Variants in ATE1 observed in about 807,000 individuals in gnomAD.
ATE1 encodes arginyl-tRNA--protein transferase 1.
ATE1 carries 36 observed loss-of-function variants against 70.5 expected under a neutral mutation model. The ratio of observed to expected loss-of-function variants is 0.51; its 90% confidence interval spans 0.39 to 0.67. The LOEUF is 0.67. Among genes scored for constraint, ATE1 ranks in the 30% least tolerant of loss-of-function variants. The pLI, the probability that ATE1 is intolerant of heterozygous loss-of-function variation, is 0.00. For synonymous variants in ATE1, 232 were observed against 219.3 expected (o/e 1.06, Z -0.51); for missense variants, 593 against 629.5 (o/e 0.94, Z 0.62).
chr10:121,784,596 G>A (rs1032462025), intron 11 of ATE1, among the ~76,000 whole-genome samples: 2 of 152,174 alleles, frequency 1.3e-5, no homozygotes, highest in Admixed American at 6.5e-5. Context: ...AGTGGCTCAC[G>A]CCTGTGATCC....
At chr10:121,811,163 T>TTGGC (rs1412183566) in intron 10 of ATE1, among the ~76,000 whole-genome samples, 2 of 152,236 alleles carry the variant, frequency 1.3e-5, no homozygotes, top group African/African-American at 4.8e-5. Context: ...TTCTCCATTC[T>TTGGC]TGGCAAATAC....
At chr10:121,904,019 A>G (rs71484689) in intron 5 of ATE1, among the ~76,000 whole-genome samples, 1 of 149,788 alleles carries the variant, frequency 6.7e-6, no homozygotes, top group Non-Finnish European at 1.5e-5. Flanking sequence ...TCGCTCTGTC[A>G]CCCAGGCTGG....
intron 5 of ATE1, among the ~76,000 whole-genome samples, chr10:121,906,494 A>T (rs1347909122): frequency 1.3e-5 from 2 of 151,686 alleles, no homozygotes; most frequent in East Asian, 3.9e-4. Context: ...GTGTCACTAC[A>T]CTCCAGCCTG....
intron 11 of ATE1, among the ~76,000 whole-genome samples, chr10:121,780,873 A>G (rs971117839): frequency 3.3e-5 from 5 of 152,238 alleles, no homozygotes; most frequent in African/African-American, 1.2e-4. Context: ...CCCACATGCT[A>G]CTTGTCACAC....
At chr10:121,852,217 A>C (rs946188567) in intron 8 of ATE1, among the ~76,000 whole-genome samples, 5 of 152,222 alleles carry the variant, frequency 3.3e-5, no homozygotes, top group African/African-American at 1.2e-4. Flanking sequence ...CTTCTCTTCC[A>C]AAGCAGCTGA....
chr10:121,761,392 A>T (rs1275104673), intron 11 of ATE1, among the ~76,000 whole-genome samples: 1 of 152,202 alleles, frequency 6.6e-6, no homozygotes, highest in Non-Finnish European at 1.5e-5. Context: ...AAACATTATG[A>T]TTTGCTGAAG....
In ATE1 at chr10:121,759,463, C is replaced by T. The variant is rs187221071; in HGVS notation, c.1379-15605G>A. Among the ~76,000 whole-genome samples, 1,400 of 152,280 alleles carry T rather than the reference C, an allele frequency of 9.2e-3. 11 individuals are homozygous for T. Among genetic ancestry groups the T allele is most frequent in the Non-Finnish European group, 0.015 (1,003 of 68,028 alleles). On this transcript the variant is annotated intron_variant, in intron 11 of 11. Transcript: ENST00000224652. The stretch of plus-strand genomic sequence containing the variant: ...AGCCGGCCGGGCATGGTGGCTGACG[C>T]CTGTAATCCCAGCACTTTGCGGGGC...
chr10:121,770,880 C>A (rs1945488711), intron 11 of ATE1, among the ~76,000 whole-genome samples: 1 of 151,720 alleles, frequency 6.6e-6, no homozygotes, highest in Admixed American at 6.6e-5. Flanking sequence ...AGCCTTAAAG[C>A]AAGAACAGCA....
intron 11 of ATE1, among the ~76,000 whole-genome samples, chr10:121,772,735 T>C (rs1945574254): frequency 1.3e-5 from 2 of 152,228 alleles, no homozygotes; most frequent in African/African-American, 2.4e-5. Flanking sequence ...TAGTAAATCA[T>C]AGCCAAAGTC....
chr10:121,810,429 C>T (rs1947272739), intron 10 of ATE1, among the ~76,000 whole-genome samples: 1 of 152,066 alleles, frequency 6.6e-6, no homozygotes, highest in Admixed American at 6.6e-5. Flanking sequence ...TGCCACCATG[C>T]CTGGCTAATT....
Position 121,817,114 on chromosome 10 carries a change from A to G in ATE1, c.1257+19604T>C, listed in dbSNP as rs1400126862. ...GACCTATCCTGTAGAAGTGTCAAAC[A>G]ATGCCACTTTATTTGATGTAGATAT... On this transcript the variant is annotated intron_variant, in intron 10 of 11. Coordinates refer to ENST00000224652, the MANE Select transcript of ATE1 (RefSeq NM_001001976.3). Among the ~76,000 whole-genome samples the G allele has an allele frequency of 2.6e-5, 4 of 152,372 alleles. No homozygotes were observed. In the South Asian group the frequency reaches 8.3e-4, roughly 32 times the overall value.
At chr10:121,865,615 GC>G (rs1375016502) in intron 8 of ATE1, among the ~76,000 whole-genome samples, 3 of 152,192 alleles carry the variant, frequency 2.0e-5, no homozygotes, top group African/African-American at 7.2e-5. Flanking sequence ...TGTAAGCCTA[GC>G]AGGGGAGTAC....
At chr10:121,906,484 G>A (rs918069298) in intron 5 of ATE1, among the ~76,000 whole-genome samples, 11 of 151,638 alleles carry the variant, frequency 7.3e-5, no homozygotes, top group African/African-American at 2.7e-4. Flanking sequence ...AGTCCTGATC[G>A]TGTCACTACA....
intron 10 of ATE1, among the ~76,000 whole-genome samples, chr10:121,832,735 G>T (rs1471988104): frequency 1.3e-5 from 2 of 151,376 alleles, no homozygotes; most frequent in Non-Finnish European, 2.9e-5. Flanking sequence ...CCCAGTCTCA[G>T]TTATATCTTT....
At chr10:121,872,697 T>C (rs1949904020) in intron 7 of ATE1, among the ~76,000 whole-genome samples, 1 of 151,962 alleles carries the variant, frequency 6.6e-6, no homozygotes, top group African/African-American at 2.4e-5. Context: ...AACACTATCA[T>C]GATGTCTGAT....
Position 121,899,975 on chromosome 10 carries a change from G to C in ATE1, c.833C>G (p.Ser278Cys). 1 of 1,613,762 alleles carries C rather than the reference G, an allele frequency of 6.2e-7. No individual in the cohort carries two copies. The highest frequency in any genetic ancestry group is 8.5e-7 in the Non-Finnish European group (1 of 1,179,790). ...GGCTTTGAACTGCGAACTTGGTGGAGATGATCTCACCACCCTCACCTTCAG... is the reference window on the plus strand; with the variant it reads ...GGCTTTGAACTGCGAACTTGGTGGACATGATCTCACCACCCTCACCTTCAG... ...HKLEVRVVRS[S>C]PPSSQFKATL... is the part of the protein sequence containing the mutation. Residue 278 changes from serine (S) to cysteine (C), a missense_variant, in exon 7 of 12, where the codon TCT becomes TGT. Ser to Cys is a moderately radical substitution (Grantham distance 112, BLOSUM62 -1). This residue lies in a region of ATE1 where 467 missense variants were observed against 469.6 expected (regional missense o/e 0.99). Coordinates refer to ENST00000224652, the MANE Select transcript of ATE1 (RefSeq NM_001001976.3).
In ATE1 at chr10:121,800,608, G is replaced by T. The variant is rs187281586; in HGVS notation, c.1258-10319C>A. ...AATTAAAATGTAAGTACACCAAAAAGACAATATTATTTAAATACACACACA... is the reference window on the plus strand; with the variant it reads ...AATTAAAATGTAAGTACACCAAAAATACAATATTATTTAAATACACACACA... On this transcript the variant is annotated intron_variant, in intron 10 of 11. Coordinates refer to ENST00000224652, the MANE Select transcript of ATE1 (RefSeq NM_001001976.3). Among the ~76,000 whole-genome samples the T allele has an allele frequency of 6.6e-5, 10 of 152,216 alleles. No individual in the cohort carries two copies. The East Asian group carries it at 1.9e-3, about 29-fold the overall frequency.
At chr10:121,902,157 G>A (rs7098822) in intron 6 of ATE1, among the ~76,000 whole-genome samples, 20,043 of 152,002 alleles carry the variant, frequency 0.13, 1,507 homozygotes, top group East Asian at 0.19. Context: ...TCACAAGTTT[G>A]GTGGCCAACT....
intron 11 of ATE1, among the ~76,000 whole-genome samples, chr10:121,767,491 C>G (rs1275216826): frequency 1.1e-3 from 2 of 1,806 alleles, no homozygotes; most frequent in Non-Finnish European, 2.0e-3. Flanking sequence ...TGTAGAAAAT[C>G]TCAACAACCC....
Sources: allele counts gnomAD v4.1 joint callset (sites outside exome capture counted in the v4.1 genomes callset), GRCh38; gene constraint gnomAD v4.1.1; regional missense constraint gnomAD v4.1.1; transcripts MANE v1.5; gene names NCBI Gene and HGNC (gene_info 2026-07-23, HGNC 2026-07-21).